EIF3H: variants seen among roughly 807,000 people sequenced by gnomAD.
The protein encoded by EIF3H is eIF-3-gamma.
Under a neutral mutation model 44.2 loss-of-function variants are expected in EIF3H, and 26 were observed. The observed-to-expected ratio is 0.59, with a 90% CI of 0.43 to 0.82. The LOEUF is 0.82. Ranked by LOEUF, EIF3H falls within the 40% of genes least tolerant of loss-of-function variation. EIF3H has a pLI of 0.00. For missense variants in EIF3H, 359 were observed against 432.8 expected, an observed-to-expected ratio of 0.83 and a Z score of 1.51; for synonymous variants, 166 against 151.9, an observed-to-expected ratio of 1.09 and a Z score of -0.68.
chr8:116,704,317 C>T (rs1430487765), intron 2 of EIF3H, among the ~76,000 whole-genome samples: 4 of 152,194 alleles, frequency 2.6e-5, no homozygotes, highest in Non-Finnish European at 5.9e-5. Flanking sequence ...GTCTTCAACA[C>T]AATCAATGTT....
At chr8:116,732,920 A>G (rs1427432240) in intron 1 of EIF3H, among the ~76,000 whole-genome samples, 1 of 152,124 alleles carries the variant, frequency 6.6e-6, no homozygotes, top group African/African-American at 2.4e-5. Flanking sequence ...CTTACAATTT[A>G]ATTCAATTTT....
chr8:116,742,770 C>A (rs548299086), intron 1 of EIF3H, among the ~76,000 whole-genome samples: 2 of 152,302 alleles, frequency 1.3e-5, no homozygotes, highest in African/African-American at 4.8e-5. Flanking sequence ...ATGATTGCCT[C>A]TGGGAAGAGG....
chr8:116,718,613 T>G (rs749168773), intron 2 of EIF3H, among the ~76,000 whole-genome samples: 3 of 151,868 alleles, frequency 2.0e-5, no homozygotes, highest in Non-Finnish European at 4.4e-5. Flanking sequence ...CTAAGTGAAG[T>G]AACTCGGGAA....
At chr8:116,716,794 ATTGT>A (rs753186081) in intron 2 of EIF3H, among the ~76,000 whole-genome samples, 1 of 152,054 alleles carries the variant, frequency 6.6e-6, no homozygotes, top group East Asian at 1.9e-4. Context: ...AAATCAGATC[ATTGT>A]TTGTCCATCT....
chr8:116,692,044 A>AT (rs2130863082), intron 2 of EIF3H, among the ~76,000 whole-genome samples: 1 of 152,294 alleles, frequency 6.6e-6, no homozygotes, highest in East Asian at 1.9e-4. Context: ...ACTGTTTCAC[A>AT]TTGTTGTCAG....
chr8:116,686,177 T>G (rs970019398), intron 2 of EIF3H, among the ~76,000 whole-genome samples: 8 of 152,168 alleles, frequency 5.3e-5, no homozygotes, highest in Admixed American at 3.3e-4. Flanking sequence ...TGGACTATAC[T>G]AATCACAAAA....
At chr8:116,662,990 G>C (rs995946040) in intron 2 of EIF3H, among the ~76,000 whole-genome samples, 1 of 152,172 alleles carries the variant, frequency 6.6e-6, no homozygotes, top group Non-Finnish European at 1.5e-5. Flanking sequence ...AAGAGACCCA[G>C]TTTGGCTACA....
At chr8:116,738,787 C>T (rs1815083148) in intron 1 of EIF3H, among the ~76,000 whole-genome samples, 1 of 152,110 alleles carries the variant, frequency 6.6e-6, no homozygotes, top group Admixed American at 6.5e-5. Flanking sequence ...TACGGAATGC[C>T]GAGGTTACAA....
At chr8:116,665,434 G>T (rs1355534436) in intron 2 of EIF3H, among the ~76,000 whole-genome samples, 1 of 152,098 alleles carries the variant, frequency 6.6e-6, no homozygotes, top group East Asian at 1.9e-4. Flanking sequence ...GATCAAAGAT[G>T]ACCTATACAG....
intron 1 of EIF3H, among the ~76,000 whole-genome samples, chr8:116,746,770 C>CT (rs373365731): frequency 9.8e-5 from 15 of 152,300 alleles, no homozygotes; most frequent in African/African-American, 3.6e-4. Context: ...AAAAATATAA[C>CT]TAAGCAATCA....
chr8:116,752,882 G>A (rs1486127450), intron 1 of EIF3H, among the ~76,000 whole-genome samples: 2 of 151,768 alleles, frequency 1.3e-5, no homozygotes, highest in Non-Finnish European at 2.9e-5. Context: ...AAGAGTTTAA[G>A]GAAGGAGTTT....
chr8:116,734,370 T>C (rs1318973215), intron 1 of EIF3H: 1 of 455,896 alleles, frequency 2.2e-6, no homozygotes, highest in East Asian at 6.9e-5. Context: ...GAGAAGAGAA[T>C]ACTTGACGAC....
At chr8:116,721,614 T>C (rs1004949180) in intron 2 of EIF3H, among the ~76,000 whole-genome samples, 17 of 152,100 alleles carry the variant, frequency 1.1e-4, no homozygotes, top group African/African-American at 2.4e-4. Flanking sequence ...AGGAGGGAGG[T>C]TGTACCCTGC....
intron 2 of EIF3H, among the ~76,000 whole-genome samples, chr8:116,725,753 A>G (rs548524763): frequency 1.3e-5 from 2 of 152,356 alleles, no homozygotes; most frequent in South Asian, 4.1e-4. Context: ...ATGTTGACAA[A>G]GTCAACATCA....
upstream of EIF3H, chr8:116,766,274 G>A (rs1815572440): frequency 1.1e-5 from 3 of 263,040 alleles, no homozygotes; most frequent in Admixed American, 5.4e-5. Flanking sequence ...TAGGTAACAC[G>A]CTAAATGTAT....
intron 2 of EIF3H, among the ~76,000 whole-genome samples, chr8:116,661,886 G>C (rs1315381456): frequency 6.6e-6 from 1 of 152,208 alleles, no homozygotes; most frequent in African/African-American, 2.4e-5. Flanking sequence ...AGAAAGTCAA[G>C]AAAGCCTATA....
intron 2 of EIF3H, among the ~76,000 whole-genome samples, chr8:116,712,798 G>A (rs1814596877): frequency 6.6e-6 from 1 of 151,918 alleles, no homozygotes; most frequent in South Asian, 2.1e-4. Flanking sequence ...ACTCTTTTAG[G>A]ATGAAGAGCA....
At chr8:116,711,507 TA>T (rs1336805336) in intron 2 of EIF3H, among the ~76,000 whole-genome samples, 1 of 152,176 alleles carries the variant, frequency 6.6e-6, no homozygotes, top group Non-Finnish European at 1.5e-5. Flanking sequence ...TAGACTTTTT[TA>T]AAAACTGAGT....
intron 5 of EIF3H, among the ~76,000 whole-genome samples, chr8:116,654,970 C>A (rs886627651): frequency 5.3e-5 from 8 of 151,720 alleles, no homozygotes; most frequent in Admixed American, 2.6e-4. Context: ...ATTTAGTCTG[C>A]TCCAAACTGG....
Sources: gnomAD v4.1 joint callset for allele counts (sites outside exome capture counted in the v4.1 genomes callset) on GRCh38, gnomAD v4.1.1 for gene constraint, MANE v1.5 for transcripts, NCBI Gene and HGNC (gene_info 2026-07-23, HGNC 2026-07-21) for gene names.